Variants in ARHGEF3 observed in about 807,000 individuals in gnomAD.
The protein encoded by ARHGEF3 is 59.8 kDA protein.
Under a neutral mutation model 63.2 loss-of-function variants are expected in ARHGEF3, and 28 were observed. That is an observed-to-expected ratio of 0.44 (90% CI 0.33 to 0.61). The LOEUF (loss-of-function observed/expected upper bound fraction) is 0.61. Ranked by LOEUF, ARHGEF3 falls within the 20% of genes least tolerant of loss-of-function variation. The probability of loss-of-function intolerance (pLI) is 0.03; values close to 1 mark genes in which losing one functional copy is unlikely to be tolerated. For synonymous variants in ARHGEF3, 266 were observed against 254.2 expected, an observed-to-expected ratio of 1.05 and a Z score of -0.44; for missense variants, 533 against 659.3, an observed-to-expected ratio of 0.81 and a Z score of 2.10.
intron 4 of ARHGEF3, among the ~76,000 whole-genome samples, chr3:56,751,914 G>A (rs1003022139): frequency 4.6e-5 from 7 of 152,062 alleles, no homozygotes; most frequent in African/African-American, 1.7e-4. Context: ...AGAATACACA[G>A]TTATACCCAG....
In ARHGEF3 at chr3:56,889,442, C is replaced by T. The variant is rs182553118; in HGVS notation, c.130-7088G>A. On this transcript the variant is annotated intron_variant, in intron 3 of 12. Coordinates refer to the ARHGEF3 transcript ENST00000338458. ...CAATACAAAAGTGGAGGGAAACAGA[C>T]GCTGGAATTGGGCACCTACTATGAG... Among the ~76,000 whole-genome samples, 36 of 152,198 alleles carry T rather than the reference C, an allele frequency of 2.4e-4. 1 individual carries two copies. The highest frequency in any genetic ancestry group is 7.2e-5 in the African/African-American group (3 of 41,538).
intron 3 of ARHGEF3, among the ~76,000 whole-genome samples, chr3:56,888,997 G>C (rs2041021698): frequency 1.3e-5 from 2 of 152,098 alleles, no homozygotes; most frequent in Non-Finnish European, 2.9e-5. Flanking sequence ...TATTCCAATG[G>C]GAGGTCTCAT....
At chr3:56,895,126 C>G (rs940716616) in intron 3 of ARHGEF3, among the ~76,000 whole-genome samples, 4 of 152,182 alleles carry the variant, frequency 2.6e-5, no homozygotes, top group African/African-American at 9.7e-5. Context: ...TGGTGAACCC[C>G]TCCTCCACTT....
At chr3:56,795,941 C>T (rs1045933379) in intron 1 of ARHGEF3, among the ~76,000 whole-genome samples, 1 of 151,036 alleles carries the variant, frequency 6.6e-6, no homozygotes, top group African/African-American at 2.4e-5. Context: ...GGGCATGACA[C>T]AGCCTCTTCT....
In ARHGEF3 at chr3:56,839,418, G is replaced by A. The variant is rs576760827; in HGVS notation, c.192+42874C>T. On this transcript the variant is annotated intron_variant, in intron 4 of 12. Coordinates refer to the ARHGEF3 transcript ENST00000338458. ...AACATTTTGGTTTTTAAAGAAGACT[G>A]TGTGGTGAAGTCCAAATAAAGTCTG... Among the ~76,000 whole-genome samples the A allele has an allele frequency of 1.5e-4, 23 of 152,130 alleles. No homozygotes were observed. The South Asian group carries it at 4.4e-3, about 29-fold the overall frequency.
At chr3:56,967,954 T>TATA (rs1431495130) in intron 2 of ARHGEF3, among the ~76,000 whole-genome samples, 1 of 71,762 alleles carries the variant, frequency 1.4e-5, no homozygotes, top group African/African-American at 5.6e-5. Context: ...ATATATTATA[T>TATA]ATATAAAATA....
At chr3:56,833,042 G>A (rs935382300) in intron 4 of ARHGEF3, among the ~76,000 whole-genome samples, 5 of 152,146 alleles carry the variant, frequency 3.3e-5, no homozygotes, top group Non-Finnish European at 2.9e-5. Flanking sequence ...GAATAATGCT[G>A]CTATGAACAT....
chr3:57,024,651 CTAATTTTTTG>C (rs1473519464), intron 2 of ARHGEF3, among the ~76,000 whole-genome samples: 1 of 152,118 alleles, frequency 6.6e-6, no homozygotes, highest in Non-Finnish European at 1.5e-5. Context: ...CCACACCCGG[CTAATTTTTTG>C]TATTTTTAGT....
intron 2 of ARHGEF3, among the ~76,000 whole-genome samples, chr3:56,968,322 TTA>T (rs1700751764): frequency 1.9e-5 from 1 of 53,884 alleles, no homozygotes; most frequent in Admixed American, 3.8e-4. Context: ...AAAATATATT[TTA>T]TATATATATA....
At chr3:56,852,184 T>A (rs2039697217) in intron 4 of ARHGEF3, among the ~76,000 whole-genome samples, 1 of 152,214 alleles carries the variant, frequency 6.6e-6, no homozygotes. Flanking sequence ...AGCAGAGCTA[T>A]GGGTCATTCC....
chr3:56,943,859 A>G (rs1177946031), intron 3 of ARHGEF3, among the ~76,000 whole-genome samples: 1 of 150,636 alleles, frequency 6.6e-6, no homozygotes, highest in Non-Finnish European at 1.5e-5. Context: ...AGGTGCAGTG[A>G]GCCAGGATCG....
intron 2 of ARHGEF3, among the ~76,000 whole-genome samples, chr3:56,759,882 A>G (rs371095832): frequency 4.6e-5 from 7 of 152,292 alleles, no homozygotes; most frequent in African/African-American, 1.7e-4. Flanking sequence ...ATTCAGTGCT[A>G]TTTAGTATAT....
intron 2 of ARHGEF3, among the ~76,000 whole-genome samples, chr3:56,985,851 G>T (rs2106925019): frequency 6.6e-6 from 1 of 152,276 alleles, no homozygotes; most frequent in East Asian, 1.9e-4. Context: ...GGCTGGGGGT[G>T]GGCAAGGGGA....
chr3:57,056,088 A>G (rs1026500481), intron 1 of ARHGEF3, among the ~76,000 whole-genome samples: 5 of 152,062 alleles, frequency 3.3e-5, no homozygotes, highest in East Asian at 3.9e-4. Flanking sequence ...GAAGAGACCA[A>G]TAAAAAATGG....
intron 4 of ARHGEF3, among the ~76,000 whole-genome samples, chr3:56,865,914 A>T (rs7630591): frequency 0.59 from 89,919 of 151,914 alleles, 27,286 homozygotes; most frequent in East Asian, 0.77. Context: ...CAGCCCAAAG[A>T]AAGACAGACA....
chr3:57,079,011 C>A, intron 1 of ARHGEF3: 1 of 340,088 alleles, frequency 2.9e-6, no homozygotes, highest in Non-Finnish European at 5.3e-6. Flanking sequence ...TACCCCAGAC[C>A]AGGGAGCGCT....
chr3:57,044,845 A>C (rs937902577), intron 1 of ARHGEF3, among the ~76,000 whole-genome samples: 1 of 152,236 alleles, frequency 6.6e-6, no homozygotes, highest in Non-Finnish European at 1.5e-5. Flanking sequence ...TCTTTAGGCC[A>C]AAAGGTATTC....
intron 2 of ARHGEF3, among the ~76,000 whole-genome samples, chr3:56,993,173 T>G (rs1266195219): frequency 6.6e-6 from 1 of 152,132 alleles, no homozygotes; most frequent in African/African-American, 2.4e-5. Flanking sequence ...GGATGATAAT[T>G]TCCACTGAAA....
intron 4 of ARHGEF3, among the ~76,000 whole-genome samples, chr3:56,872,366 T>G (rs1282302367): frequency 6.6e-6 from 1 of 152,232 alleles, no homozygotes; most frequent in Non-Finnish European, 1.5e-5. Context: ...GCATAACGTA[T>G]ATAGCATGTG....
Sources: allele counts gnomAD v4.1 joint callset (sites outside exome capture counted in the v4.1 genomes callset), GRCh38; gene constraint gnomAD v4.1.1; transcripts MANE v1.5; gene names NCBI Gene and HGNC (gene_info 2026-07-23, HGNC 2026-07-21).